Variants in KHK observed in about 807,000 individuals in gnomAD.
The protein encoded by KHK is ketohexokinase.
A neutral mutation model predicts 36.0 loss-of-function variants in KHK; 37 were observed. The ratio of observed to expected loss-of-function variants is 1.03; its 90% CI spans 0.79 to 1.35. The LOEUF is 1.35. Among genes scored for constraint, KHK ranks in the 40% most tolerant of loss-of-function variants. The pLI, the probability that KHK is intolerant of heterozygous loss-of-function variation, is 0.00. For missense variants in KHK, 395 were observed against 391.9 expected (o/e 1.01, Z -0.07); for synonymous variants, 161 against 162.8 (o/e 0.99, Z 0.08).
chr2:27,100,195 C>T lies in KHK; in HGVS notation c.*445C>T, dbSNP rs903208705. On this transcript the variant is annotated 3_prime_UTR_variant, in exon 8 of 8. Coordinates refer to ENST00000260598, the MANE Select transcript of KHK (RefSeq NM_006488.3). ...CACCCAGTGAACCTGCCAAAGAAACCGTGAGAGCTCTTCGGGGCCCTGCGT... is the reference window on the plus strand; with the variant it reads ...CACCCAGTGAACCTGCCAAAGAAACTGTGAGAGCTCTTCGGGGCCCTGCGT... 4 of 437,780 alleles carry T rather than the reference C, an allele frequency of 9.1e-6. No individual in the cohort carries two copies. The highest frequency in any genetic ancestry group is 3.5e-5 in the Admixed American group (1 of 28,622). 27.1% of individuals were successfully genotyped at this position (437,780 alleles called of 1,614,324 possible).
At chr2:27,088,713 C>T (rs1286388188) in intron 1 of KHK, among the ~76,000 whole-genome samples, 1 of 152,160 alleles carries the variant, frequency 6.6e-6, no homozygotes, top group Non-Finnish European at 1.5e-5. Context: ...CATGAGCCAC[C>T]ACACCCGGCT....
At position 27,091,003 on chromosome 2, in the gene KHK, C is replaced by T. The variant is rs1156394908; in HGVS notation, c.93-1329C>T. Among the ~76,000 whole-genome samples, 10 of 152,132 alleles carry T rather than the reference C, an allele frequency of 6.6e-5. No homozygotes were observed. The South Asian group carries it at 2.1e-3, about 32-fold the overall frequency. On this transcript the variant is annotated intron_variant, in intron 1 of 7. Transcript: ENST00000260598. ...CTGGGGAAGTTGAGGCTGCAGTGAA[C>T]CATGATCATGCCATTGCACTCCAGC...
At position 27,097,502 on chromosome 2, in the gene KHK, G is replaced by C. The variant is rs2148361607; in HGVS notation, c.418-1G>C. On this transcript the variant is annotated splice_acceptor_variant, in intron 4 of 7. Transcript: ENST00000260598. LOFTEE classifies it high-confidence loss of function. ...TCCTGAGCTGCCCTGTCCTGTACCA[G>C]GGCCGGAACGCATCGGAGCAGGTGA... 6.2e-7 allele frequency: 1 copy of C among 1,613,508 alleles called. No homozygotes were observed. The highest frequency in any genetic ancestry group is 1.7e-4 in the Middle Eastern group (1 of 6,020).
chr2:27,097,852 T>C (rs1670478676), intron 5 of KHK, among the ~76,000 whole-genome samples: 1 of 151,828 alleles, frequency 6.6e-6, no homozygotes, highest in Non-Finnish European at 1.5e-5. Context: ...GAGCAAGGAG[T>C]AGAATGTCTC....
chr2:27,099,559 A>C lies in KHK; in HGVS notation c.793A>C (p.Ile265Leu), dbSNP rs773873126. 6.8e-6 allele frequency: 11 copies of C among 1,614,036 alleles called. No homozygotes were observed. The Admixed American group carries it at 8.3e-5, about 12-fold the overall frequency. ...GAGDTFNASV[I>L]FSLSQGRSVQ... is the part of the protein sequence containing the mutation. ...TGGAGACACCTTCAATGCCTCCGTC[A>C]TCTTCAGCCTCTCCCAGGGTGAGTA... Residue 265 changes from isoleucine to leucine, a missense_variant, in exon 7 of 8, where the codon ATC (isoleucine) becomes CTC (leucine). Physicochemically the swap from Ile to Leu is conservative, Grantham distance 5. Transcript: ENST00000260598.
chr2:27,097,708 G>T (rs1387516153), intron 5 of KHK, 59 bp downstream of exon 5: 2 of 1,606,582 alleles, frequency 1.2e-6, no homozygotes, highest in Non-Finnish European at 1.7e-6. Context: ...CTTAAAGGGA[G>T]CCAGAATCCT....
chr2:27,099,097 C>T, intron 5 of KHK, 99 bp from the exon 6 acceptor site: 1 of 994,178 alleles, frequency 1.0e-6, no homozygotes, highest in Non-Finnish European at 1.6e-6. Flanking sequence ...TCTATGTGGA[C>T]ATGTTGGGGG....
chr2:27,099,155 G>A lies in KHK; in HGVS notation c.565-41G>A, dbSNP rs202027188. On this transcript the variant is annotated intron_variant, in intron 5 of 7. Transcript: ENST00000260598. ...CGCTAGGCTGCTGTTGGTGAATGAC[G>A]AGTTAGAAGTGACCACCAGCTTCTC... 1.3e-4 allele frequency: 209 copies of A among 1,587,110 alleles called. 1 individual carries two copies. Among genetic ancestry groups the A allele is most frequent in the East Asian group, 1.1e-3 (50 of 44,746 alleles).
rs201707861 is a variant in KHK, at chr2:27,097,585, G to A, written c.500G>A (p.Arg167Gln). 7.7e-5 allele frequency: 124 copies of A among 1,613,922 alleles called. No homozygotes were observed. The highest frequency in any genetic ancestry group is 2.2e-4 in the East Asian group (10 of 44,898). ...NTRQPPEQKI[R>Q]VSVEVEKPRE... ...AGGCAGCCTCCAGAGCAGAAGATCC[G>A]GGTGTCCGTGGAGGTGGAGAAGCCA... is the stretch of plus-strand genomic sequence containing the variant. The change falls in exon 5 of 8, where the codon CGG becomes CAG. Residue 167 changes from arginine to glutamine, a missense_variant. Physicochemically the swap from Arg to Gln is conservative, Grantham distance 43. Transcript: ENST00000260598.
At chr2:27,095,934 G>A (rs1189370187) in intron 3 of KHK, among the ~76,000 whole-genome samples, 1 of 152,236 alleles carries the variant, frequency 6.6e-6, no homozygotes, top group Non-Finnish European at 1.5e-5. Context: ...GAGGAGCTCT[G>A]AGGAGAAATG....
At chr2:27,099,044 G>A in intron 5 of KHK, 152 bp from the exon 6 acceptor site, 1 of 781,384 alleles carries the variant, frequency 1.3e-6, no homozygotes. Flanking sequence ...AAAGAAAAAA[G>A]AAAACCACGT....
Position 27,099,880 on chromosome 2 carries a change from C to A in KHK, c.*130C>A. The A allele has an allele frequency of 2.6e-6, 4 of 1,544,752 alleles. No homozygotes were observed. Among genetic ancestry groups the A allele is most frequent in the Non-Finnish European group, 3.5e-6 (4 of 1,142,460 alleles). ...GATGCAAGCTGTGGGGAGGACTCTG[C>A]CTGTGTCCTGTGTTCCCCACAGGGA... On this transcript the variant is annotated 3_prime_UTR_variant, in exon 8 of 8. Transcript: ENST00000260598.
In KHK at chr2:27,087,179, G is replaced by A. The variant is rs1056550795; in HGVS notation, c.-81G>A. ...AGGAGCCAGGGCAGCTGGGAGCGGG[G>A]ACACCATCCTCCTGGATAAGAGGCA... On this transcript the variant is annotated 5_prime_UTR_variant, in exon 1 of 8. Transcript: ENST00000260598. 2 of 1,221,384 alleles carry A rather than the reference G, an allele frequency of 1.6e-6. No individual in the cohort carries two copies. Among genetic ancestry groups the A allele is most frequent in the East Asian group, 5.1e-5 (2 of 39,034 alleles). 75.7% of individuals were successfully genotyped at this position (1,221,384 alleles called of 1,614,324 possible).
At chr2:27,099,141 T>C in intron 5 of KHK, 55 bp from the exon 6 acceptor site, 1 of 1,521,082 alleles carries the variant, frequency 6.6e-7, no homozygotes, top group Admixed American at 1.7e-5. Flanking sequence ...GCTAGGCTGC[T>C]GTTGGTGAAT....
Position 27,100,149 on chromosome 2 carries a change from G to A in KHK, c.*399G>A, listed in dbSNP as rs1359752732. The stretch of plus-strand genomic sequence containing the variant: ...CTTGCCACCAGCTCTGCCCTGGCTG[G>A]GGAGGACACTCGGTGCCCCACACCC... On this transcript the variant is annotated 3_prime_UTR_variant, in exon 8 of 8. Transcript: ENST00000260598. 1.9e-6 allele frequency: 1 copy of A among 516,214 alleles called. No individual in the cohort carries two copies. The highest frequency in any genetic ancestry group is 3.5e-6 in the Non-Finnish European group (1 of 284,830). The allele number at this position is 516,214 out of a possible 1,614,324, so 32.0% of individuals were successfully genotyped here.
At chr2:27,094,423 G>C in intron 2 of KHK, 1 of 1,607,600 alleles carries the variant, frequency 6.2e-7, no homozygotes, top group African/African-American at 1.3e-5. Flanking sequence ...CTACCCTCCA[G>C]TCCCCAAAAC....
At position 27,099,851 on chromosome 2, in the gene KHK, G is replaced by A. The variant is rs899362185; in HGVS notation, c.*101G>A. The A allele has an allele frequency of 6.4e-7, 1 of 1,553,994 alleles. No individual in the cohort carries two copies. Among genetic ancestry groups the A allele is most frequent in the Non-Finnish European group, 8.7e-7 (1 of 1,149,088 alleles). The stretch of plus-strand genomic sequence containing the variant: ...GGCGTCCAGGTTGCCCTGTTCAGGG[G>A]ACAGATGCAAGCTGTGGGGAGGACT... On this transcript the variant is annotated 3_prime_UTR_variant, in exon 8 of 8. Transcript: ENST00000260598.
At chr2:27,092,227 T>G in intron 1 of KHK, 105 bp from the exon 2 acceptor site, 1 of 925,520 alleles carries the variant, frequency 1.1e-6, no homozygotes, top group Non-Finnish European at 1.8e-6. Context: ...CCTAGATGCT[T>G]TCTGAGAGGA....
chr2:27,099,927 G>A lies in KHK; in HGVS notation c.*177G>A, dbSNP rs535914793. 4.4e-5 allele frequency: 62 copies of A among 1,403,404 alleles called. No individual in the cohort carries two copies. In the African/African-American group the frequency reaches 8.0e-4, roughly 18 times the overall value. 86.9% of individuals were successfully genotyped at this position (1,403,404 alleles called of 1,614,324 possible). A position where few individuals can be genotyped will look rare whatever the true frequency, so the allele number is the denominator to read the frequency against. On this transcript the variant is annotated 3_prime_UTR_variant, in exon 8 of 8. Coordinates refer to ENST00000260598, the MANE Select transcript of KHK (RefSeq NM_006488.3). ...GGGAGAGGCTCTGGGGGGATGGCTG[G>A]GGGATGCAGAGCCTCAGAGCAAATA...
Sources: gnomAD v4.1 joint callset for allele counts (sites outside exome capture counted in the v4.1 genomes callset) on GRCh38, gnomAD v4.1.1 for gene constraint, MANE v1.5 for transcripts, NCBI Gene and HGNC (gene_info 2026-07-23, HGNC 2026-07-21) for gene names.